Variants in CENPT observed in about 807,000 individuals in gnomAD.
The protein encoded by CENPT is centromere protein T.
In CENPT, 42 loss-of-function variants were observed where a neutral mutation model predicts 59.7. The ratio of observed to expected loss-of-function variants is 0.70; its 90% confidence interval spans 0.55 to 0.91. CENPT has a LOEUF of 0.91. Among genes scored for constraint, CENPT ranks in the 40% least tolerant of loss-of-function variants. The probability of loss-of-function intolerance (pLI) is 0.00; values close to 1 mark genes in which losing one functional copy is unlikely to be tolerated. For missense variants in CENPT, 716 were observed against 713.4 expected (o/e 1.00, Z -0.04); for synonymous variants, 295 against 289.6 (o/e 1.02, Z -0.19).
chr16:67,841,275 C>G (rs1021421859), intron 1 of CENPT, among the ~76,000 whole-genome samples: 95 of 148,394 alleles, frequency 6.4e-4, no homozygotes, highest in African/African-American at 2.0e-3. Context: ...AATGCAAATC[C>G]TTTCCCATAA....
chr16:67,832,011 C>T lies in CENPT; in HGVS notation c.386+1G>A, dbSNP rs1157426637. 5 of 1,598,330 alleles carry T rather than the reference C, an allele frequency of 3.1e-6. No individual in the cohort carries two copies. Among genetic ancestry groups the T allele is most frequent in the Non-Finnish European group, 4.3e-6 (5 of 1,170,640 alleles). ...ATCCAAGGTGGGGGAGTTCTGTGTA[C>T]CTGCCGCAACTGCTCTCTTGTCTGG... On this transcript the variant is annotated splice_donor_variant, in intron 7 of 15. Coordinates refer to ENST00000562787, the MANE Select transcript of CENPT (RefSeq NM_025082.4). LOFTEE classifies it high-confidence loss of function.
chr16:67,847,080 C>T (rs1394466199), intron 1 of CENPT: 2 of 147,680 alleles, frequency 1.4e-5, no homozygotes, highest in East Asian at 2.0e-4. Context: ...CCCGGGCGGC[C>T]CCTCCCCTCC....
Position 67,833,808 on chromosome 16 carries a change from G to C in CENPT, c.52C>G (p.Arg18Gly), listed in dbSNP as rs1483425543. 2 of 1,576,498 alleles carry C rather than the reference G, an allele frequency of 1.3e-6. No individual in the cohort carries two copies. The highest frequency in any genetic ancestry group is 5.0e-5 in the East Asian group (2 of 40,324). The change falls in exon 4 of 16, where the codon CGC becomes GGC. Residue 18 changes from arginine (R) to glycine (G), a missense_variant. By Grantham distance (125) the Arg-to-Gly change is moderately radical (BLOSUM62 -2). Transcript: ENST00000562787. ...SDSTPRTLLR[R>G]VLDTADPRTP... ...CGCGGGTCCGCTGTATCCAGCACGCGTCGCAGCAGCGTGCGCGGCGTGGAG... is the reference window on the plus strand; with the variant it reads ...CGCGGGTCCGCTGTATCCAGCACGCCTCGCAGCAGCGTGCGCGGCGTGGAG...
Position 67,832,074 on chromosome 16 carries a change from T to A in CENPT, c.324A>T (p.Val108=). The part of the protein sequence containing the change: ...PESSILMPES[V]VKPVPAPQAV... ...CCTGCGGTGCTGGCACTGGCTTCACTACCGACTCAGGCATCAGGATGGAAG... is the reference window on the plus strand; with the variant it reads ...CCTGCGGTGCTGGCACTGGCTTCACAACCGACTCAGGCATCAGGATGGAAG... Residue 108 remains valine (V), a synonymous_variant, in exon 7 of 16, where the codon GTA becomes GTT. Transcript: ENST00000562787. The A allele has an allele frequency of 1.2e-6, 2 of 1,612,378 alleles. No individual in the cohort carries two copies. The highest frequency in any genetic ancestry group is 4.5e-5 in the East Asian group (2 of 44,822).
chr16:67,833,565 G>A (rs2057713338), intron 4 of CENPT, among the ~76,000 whole-genome samples, 185 bp downstream of exon 4: 1 of 152,182 alleles, frequency 6.6e-6, no homozygotes, highest in Non-Finnish European at 1.5e-5. Flanking sequence ...CAGAGTCCCA[G>A]GCCCTGCTCC....
chr16:67,839,825 G>A (rs370417060), intron 1 of CENPT, among the ~76,000 whole-genome samples: 35 of 152,210 alleles, frequency 2.3e-4, no homozygotes, highest in African/African-American at 7.2e-4. Context: ...AGTAAGCCGA[G>A]ATCGCACCAC....
Position 67,829,902 on chromosome 16 carries a change from G to C in CENPT, c.1049C>G (p.Thr350Arg), listed in dbSNP as rs1344414282. The C allele has an allele frequency of 6.2e-7, 1 of 1,614,208 alleles. No homozygotes were observed. Residue 350 changes from threonine (T) to arginine (R), a missense_variant, in exon 12 of 16, where the codon ACA (threonine) becomes AGA (arginine). Coordinates refer to ENST00000562787, the MANE Select transcript of CENPT (RefSeq NM_025082.4). ...EGVSVSEMEA[T>R]GAQGPSRVEE... The stretch of plus-strand genomic sequence containing the variant: ...TACCCTGCTGGGTCCTTGTGCTCCT[G>C]TTGCCTCCATTTCACTCACACTCAC...
intron 6 of CENPT, 57 bp from the exon 7 acceptor site, chr16:67,832,165 GA>G: frequency 6.2e-7 from 1 of 1,608,624 alleles, no homozygotes; most frequent in Non-Finnish European, 8.5e-7. Flanking sequence ...CTGAATAAAA[GA>G]TACCACAAGA....
In CENPT at chr16:67,843,008, G is replaced by T. The variant is rs1350027458; in HGVS notation, c.-492+4393C>A. ...CCAGCTGCAGCCGAACCTGGTATCT[G>T]CTTCCGCGGCCGTGCTTCTCACCCT... On this transcript the variant is annotated intron_variant, in intron 1 of 15. Coordinates refer to ENST00000562787, the MANE Select transcript of CENPT (RefSeq NM_025082.4). This position sits in a 1 kb window ranked among gnomAD's most constrained non-coding sequence, Gnocchi z 5.7. 1 of 1,612,574 alleles carries T rather than the reference G, an allele frequency of 6.2e-7. No homozygotes were observed. Among genetic ancestry groups the T allele is most frequent in the East Asian group, 2.2e-5 (1 of 44,892 alleles).
chr16:67,832,417 A>G lies in CENPT; in HGVS notation c.201+38T>C, dbSNP rs140522816. 99 of 1,610,780 alleles carry G rather than the reference A, an allele frequency of 6.1e-5. No homozygotes were observed. The African/African-American group carries it at 1.1e-3, about 19-fold the overall frequency. On this transcript the variant is annotated intron_variant, in intron 5 of 15. Transcript: ENST00000562787. ...AGACCTCAACCCCCCTCCCCGAGGC[A>G]GCCAGGGCCCTTTGGGGTCAGTGGG...
At chr16:67,846,836 C>A (rs902723037) in intron 1 of CENPT, 1 of 152,220 alleles carries the variant, frequency 6.6e-6, no homozygotes, top group Non-Finnish European at 1.5e-5. Flanking sequence ...AGTTTTCTCT[C>A]GGCGCGCTCA....
At position 67,842,862 on chromosome 16, in the gene CENPT, GGCAGCAGCAGCAACA is replaced by G. The variant is rs756173111; in HGVS notation, c.-492+4524_-492+4538del. 9 of 1,607,920 alleles carry G rather than the reference GGCAGCAGCAGCAACA, an allele frequency of 5.6e-6. No individual in the cohort carries two copies. Among genetic ancestry groups the G allele is most frequent in the Non-Finnish European group, 6.8e-6 (8 of 1,177,538 alleles). The stretch of plus-strand genomic sequence containing the variant: ...GCTGGGGCCGCGGCCGCCCGCCGCA[GGCAGCAGCAGCAACA>G]GCAGCAGCAGCAGCAACAGCAGCAA... On this transcript the variant is annotated intron_variant, in intron 1 of 15. Coordinates refer to ENST00000562787, the MANE Select transcript of CENPT (RefSeq NM_025082.4). This position sits in a 1 kb window ranked among gnomAD's most constrained non-coding sequence, Gnocchi z 4.9.
At chr16:67,829,027 C>G (rs1281639667) in intron 13 of CENPT, 184 bp from the exon 14 acceptor site, 1 of 581,518 alleles carries the variant, frequency 1.7e-6, no homozygotes, top group Admixed American at 3.6e-5. Flanking sequence ...CAGTCTTTCC[C>G]TGGGGCTCTG....
At chr16:67,830,222 C>A in intron 11 of CENPT, 134 bp from the exon 12 acceptor site, 1 of 1,215,484 alleles carries the variant, frequency 8.2e-7, no homozygotes, top group Non-Finnish European at 1.2e-6. Context: ...AGCACCAGGA[C>A]ATGGATCTGA....
chr16:67,832,127 G>A lies in CENPT; in HGVS notation c.290-19C>T, dbSNP rs1016238405. On this transcript the variant is annotated intron_variant, in intron 6 of 15. Coordinates refer to ENST00000562787, the MANE Select transcript of CENPT (RefSeq NM_025082.4). ...TCTGGGGCTGCAGAAACACCAAGGA[G>A]AGGGTGGGGCTGACAGAACAGGCCA... 1 of 1,610,398 alleles carries A rather than the reference G, an allele frequency of 6.2e-7. No individual in the cohort carries two copies. Among genetic ancestry groups the A allele is most frequent in the Non-Finnish European group, 8.5e-7 (1 of 1,177,240 alleles).
chr16:67,843,798 C>G lies in CENPT; in HGVS notation c.-492+3603G>C. 2.7e-6 allele frequency: 1 copy of G among 370,654 alleles called. No individual in the cohort carries two copies. Among genetic ancestry groups the G allele is most frequent in the Non-Finnish European group, 5.2e-6 (1 of 193,904 alleles). 23.0% of individuals were successfully genotyped at this position (370,654 alleles called of 1,614,324 possible). ...AGAACCACTGAACTTGAAACTTACC[C>G]TCTAGGGATGCAGGTGGGATGTCCA... is the stretch of plus-strand genomic sequence containing the variant. On this transcript the variant is annotated intron_variant, in intron 1 of 15. Coordinates refer to ENST00000562787, the MANE Select transcript of CENPT (RefSeq NM_025082.4). This position sits in a 1 kb window ranked among gnomAD's most constrained non-coding sequence, Gnocchi z 5.7.
chr16:67,838,202 T>C (rs1174224048), intron 1 of CENPT, among the ~76,000 whole-genome samples: 1 of 152,250 alleles, frequency 6.6e-6, no homozygotes, highest in Non-Finnish European at 1.5e-5. Context: ...CAATATTCTG[T>C]GCATAAAGAA....
chr16:67,843,691 G>T lies in CENPT; in HGVS notation c.-492+3710C>A. 1 of 574,070 alleles carries T rather than the reference G, an allele frequency of 1.7e-6. No individual in the cohort carries two copies. Among genetic ancestry groups the T allele is most frequent in the Non-Finnish European group, 3.1e-6 (1 of 322,958 alleles). The allele number at this position is 574,070 out of a possible 1,614,324, so 35.6% of individuals were successfully genotyped here. A position where few individuals can be genotyped will look rare whatever the true frequency, so the allele number is the denominator to read the frequency against. ...AGTGGAAGCTGGGGCCTTAGACTCTGCCCTGGTGACACCAGCAATTATGAC... is the reference window on the plus strand; with the variant it reads ...AGTGGAAGCTGGGGCCTTAGACTCTTCCCTGGTGACACCAGCAATTATGAC... On this transcript the variant is annotated intron_variant, in intron 1 of 15. Transcript: ENST00000562787. This position sits in a 1 kb window ranked among gnomAD's most constrained non-coding sequence, Gnocchi z 5.7.
At chr16:67,846,090 TTG>T (rs757569165) in intron 1 of CENPT, among the ~76,000 whole-genome samples, 10 of 152,218 alleles carry the variant, frequency 6.6e-5, no homozygotes, top group African/African-American at 2.4e-4. Context: ...CCACAAATGT[TTG>T]TGTTACCAAG....
Sources: allele counts gnomAD v4.1 joint callset (sites outside exome capture counted in the v4.1 genomes callset), GRCh38; gene constraint gnomAD v4.1.1; non-coding constraint Gnocchi (gnomAD v3.1); transcripts MANE v1.5; gene names NCBI Gene and HGNC (gene_info 2026-07-23, HGNC 2026-07-21).